Variants in SLC8A1 observed in about 807,000 individuals in gnomAD.
SLC8A1 encodes the protein sodium/calcium exchanger 1.
SLC8A1 carries 18 observed loss-of-function variants against 68.3 expected under a neutral mutation model. The ratio of observed to expected loss-of-function variants is 0.26; its 90% CI spans 0.18 to 0.39. The LOEUF is 0.39. Among genes scored for constraint, SLC8A1 ranks in the 10% least tolerant of loss-of-function variants. The pLI is 1.00. For missense variants in SLC8A1, 985 were observed against 1,156.7 expected (o/e 0.85, Z 2.15); for synonymous variants, 475 against 415.5 (o/e 1.14, Z -1.74).
chr2:40,186,525 T>A (rs2050732481), intron 2 of SLC8A1, among the ~76,000 whole-genome samples: 2 of 152,150 alleles, frequency 1.3e-5, no homozygotes, highest in African/African-American at 4.8e-5. Flanking sequence ...TAAGGACAGG[T>A]TGCTATTCAT....
Position 40,132,216 on chromosome 2 carries a change from C to G in SLC8A1, c.2437+7185G>C, listed in dbSNP as rs187590336. 3.3e-5 allele frequency among the ~76,000 whole-genome samples: 5 copies of G among 152,022 alleles called. No homozygotes were observed. The South Asian group carries it at 8.3e-4, about 25-fold the overall frequency. On this transcript the variant is annotated intron_variant, in intron 7 of 7. Coordinates refer to ENST00000406785, the Ensembl canonical transcript of SLC8A1. The stretch of plus-strand genomic sequence containing the variant: ...CTTTAAAAATAAGTCCAAGATGGCA[C>G]GATAGAGTAGCTAAGTACCAGATTA...
chr2:40,291,903 CTTT>C (rs75778511), intron 2 of SLC8A1, among the ~76,000 whole-genome samples: 13 of 138,190 alleles, frequency 9.4e-5, no homozygotes, highest in Non-Finnish European at 7.9e-5. Context: ...GACATCTTTA[CTTT>C]TTTTTTTTTT....
At chr2:40,115,131 T>G in exon 8 of SLC8A1, 1 of 715,082 alleles carries the variant, frequency 1.4e-6, no homozygotes. Flanking sequence ...GAGTATGCTC[T>G]TGAAGCTGGA....
intron 4 of SLC8A1, among the ~76,000 whole-genome samples, chr2:40,169,549 C>T (rs1573493389): frequency 6.6e-6 from 1 of 152,124 alleles, no homozygotes. Flanking sequence ...TGTGGAGAAA[C>T]CCCACAGATG....
intron 2 of SLC8A1, among the ~76,000 whole-genome samples, chr2:40,311,602 T>C (rs2073683279): frequency 1.3e-5 from 2 of 152,210 alleles, no homozygotes; most frequent in East Asian, 3.9e-4. Context: ...TGTGTGTATA[T>C]ACAAAGAATA....
At chr2:40,148,890 T>C (rs997624810) in intron 6 of SLC8A1, among the ~76,000 whole-genome samples, 1 of 152,132 alleles carries the variant, frequency 6.6e-6, no homozygotes, top group Non-Finnish European at 1.5e-5. Context: ...TATTAGAGGG[T>C]AAGTAGGCTA....
chr2:40,297,412 T>C (rs1453091362), intron 2 of SLC8A1, among the ~76,000 whole-genome samples: 3 of 152,182 alleles, frequency 2.0e-5, no homozygotes, highest in African/African-American at 7.2e-5. Flanking sequence ...CATTTTAAGA[T>C]TCTCTTTCAG....
intron 2 of SLC8A1, among the ~76,000 whole-genome samples, chr2:40,396,766 A>AAAAAAAAAC (rs1329583807): frequency 1.4e-5 from 2 of 146,966 alleles, no homozygotes; most frequent in Admixed American, 6.8e-5. Flanking sequence ...AAAAAAAAAA[A>AAAAAAAAAC]AAAAAAAAAA....
At chr2:40,372,911 G>C (rs1184880043) in intron 2 of SLC8A1, among the ~76,000 whole-genome samples, 1 of 151,948 alleles carries the variant, frequency 6.6e-6, no homozygotes, top group Non-Finnish European at 1.5e-5. Context: ...GAATAGAAGA[G>C]AAATCCTTGA....
chr2:40,500,171 A>G (rs1393082749), intron 1 of SLC8A1, among the ~76,000 whole-genome samples: 1 of 152,096 alleles, frequency 6.6e-6, no homozygotes, highest in Non-Finnish European at 1.5e-5. Flanking sequence ...AACCCCCAGG[A>G]TTTGGAGTAT....
chr2:40,139,266 A>T (rs547970790), intron 7 of SLC8A1, 135 bp downstream of exon 10: 3 of 984,748 alleles, frequency 3.0e-6, no homozygotes, highest in Non-Finnish European at 4.5e-6. Context: ...AGTAACATTT[A>T]TTTATACCTC....
Position 40,333,167 on chromosome 2 carries a change from G to A in SLC8A1, c.1808+95306C>T, listed in dbSNP as rs1016749623. On this transcript the variant is annotated intron_variant, in intron 2 of 7. Coordinates refer to ENST00000406785, the Ensembl canonical transcript of SLC8A1. Reference sequence around the variant, plus strand: ...TAAAACTGTCTTTTAGGCCGGGTGCGGTGGCTCACGCCTATAATCCCAGCA... The same window carrying A: ...TAAAACTGTCTTTTAGGCCGGGTGCAGTGGCTCACGCCTATAATCCCAGCA... Among the ~76,000 whole-genome samples the A allele has an allele frequency of 8.5e-5, 13 of 152,148 alleles. No homozygotes were observed. The East Asian group carries it at 1.3e-3, about 16-fold the overall frequency.
chr2:40,210,797 C>A (rs1306074193), intron 2 of SLC8A1, among the ~76,000 whole-genome samples: 1 of 152,206 alleles, frequency 6.6e-6, no homozygotes, highest in African/African-American at 2.4e-5. Context: ...CTCATCAGCT[C>A]TCTCTTTATT....
intron 2 of SLC8A1, among the ~76,000 whole-genome samples, chr2:40,334,150 G>C (rs1443836159): frequency 2.6e-5 from 4 of 152,140 alleles, no homozygotes; most frequent in African/African-American, 4.8e-5. Context: ...GTTAGAATTA[G>C]CTAAAAGGAG....
chr2:40,200,191 T>TAAA lies in SLC8A1; in HGVS notation c.1809-22337_1809-22336insTTT, dbSNP rs1491467280. Among the ~76,000 whole-genome samples, 3 of 9,828 alleles carry TAAA rather than the reference T, an allele frequency of 3.1e-4. 1 individual carries two copies. The highest frequency in any genetic ancestry group is 2.0e-3 in the South Asian group (1 of 510). 6.4% of individuals were successfully genotyped at this position (9,828 alleles called of 152,430 possible). A position where few individuals can be genotyped will look rare whatever the true frequency, so the allele number is the denominator to read the frequency against. ...AGTCATTGATATATATATATATATA[T>TAAA]TTATATATATATATAAATATATATA... On this transcript the variant is annotated intron_variant, in intron 2 of 7. Coordinates refer to ENST00000406785, the Ensembl canonical transcript of SLC8A1.
At chr2:40,116,724 T>C (rs1273442071) in intron 7 of SLC8A1, 1 of 152,258 alleles carries the variant, frequency 6.6e-6, no homozygotes, top group East Asian at 1.9e-4. Context: ...TGCTTTCTCA[T>C]GGTGCTTTTC....
At chr2:40,234,724 G>T (rs1002211643) in intron 2 of SLC8A1, among the ~76,000 whole-genome samples, 13 of 152,218 alleles carry the variant, frequency 8.5e-5, no homozygotes, top group Middle Eastern at 3.4e-3. Context: ...CAGTATGATA[G>T]TGGCTGTGGG....
chr2:40,305,755 G>GT (rs767224356), intron 2 of SLC8A1, among the ~76,000 whole-genome samples: 1 of 152,168 alleles, frequency 6.6e-6, no homozygotes, highest in Non-Finnish European at 1.5e-5. Context: ...TTTGCCAAGT[G>GT]TATTACAAGA....
chr2:40,405,084 G>A (rs919036507), intron 2 of SLC8A1, among the ~76,000 whole-genome samples: 3 of 152,260 alleles, frequency 2.0e-5, no homozygotes, highest in African/African-American at 7.2e-5. Flanking sequence ...TTTCAACAGA[G>A]GATTGGAGAC....
Sources: gnomAD v4.1 joint callset for allele counts (sites outside exome capture counted in the v4.1 genomes callset) on GRCh38, gnomAD v4.1.1 for gene constraint, MANE v1.5 for transcripts, NCBI Gene and HGNC (gene_info 2026-07-23, HGNC 2026-07-21) for gene names.